The following CAND1 variants were observed in gnomAD, a reference collection of about 807,000 sequenced individuals.
CAND1 encodes the protein cullin-associated NEDD8-dissociated protein 1.
In CAND1, 7 loss-of-function variants were observed where a neutral mutation model predicts 108.5. The observed-to-expected ratio is 0.06, with a 90% confidence interval of 0.04 to 0.12. CAND1 has a LOEUF of 0.12. Ranked by LOEUF, CAND1 falls within the 10% of genes least tolerant of loss-of-function variation. CAND1 has a pLI of 1.00. For synonymous variants in CAND1, 534 were observed against 512.0 expected, an observed-to-expected ratio of 1.04 and a Z score of -0.58; for missense variants, 941 against 1,448.7, an observed-to-expected ratio of 0.65 and a Z score of 5.69.
chr12:67,288,046 T>G (rs1222509752), intron 2 of CAND1, among the ~76,000 whole-genome samples: 1 of 152,036 alleles, frequency 6.6e-6, no homozygotes, highest in African/African-American at 2.4e-5. Context: ...TTATATATAC[T>G]TGAAAGTATA....
chr12:67,319,102 AACC>A lies in CAND1; in HGVS notation c.*6278_*6280del, dbSNP rs1324021726. 6.6e-6 allele frequency: 1 copy of A among 152,184 alleles called. No homozygotes were observed. The highest frequency in any genetic ancestry group is 1.5e-5 in the Non-Finnish European group (1 of 68,046). The allele number at this position is 152,184 out of a possible 1,614,324, so 9.4% of individuals were successfully genotyped here. On this transcript the variant is annotated 3_prime_UTR_variant, in exon 15 of 15. Transcript: ENST00000545606. ...CTGTTCCCCAAGGCCACACCTTGGA[AACC>A]ACCACATTAAAATACCCAGAAGGCA...
intron 2 of CAND1, among the ~76,000 whole-genome samples, chr12:67,291,485 GA>G (rs1215659186): frequency 6.6e-6 from 1 of 152,164 alleles, no homozygotes; most frequent in African/African-American, 2.4e-5. Context: ...AAATGCTTGT[GA>G]CCAGAGTGTT....
In CAND1 at chr12:67,305,181, C is replaced by T. The variant is rs950791779; in HGVS notation, c.1513C>T (p.Leu505Phe). ...TGCTTTGTCATGTCTATACGTAATCCTCTGTAACCATTCTCCTCAAGTCTT... is the reference window on the plus strand; with the variant it reads ...TGCTTTGTCATGTCTATACGTAATCTTCTGTAACCATTCTCCTCAAGTCTT... ...IDALSCLYVI[L>F]CNHSPQVFHP... Residue 505 changes from leucine (L) to phenylalanine (F), a missense_variant, in exon 10 of 15, where the codon CTC becomes TTC. Physicochemically the swap from Leu to Phe is conservative, Grantham distance 22. Coordinates refer to ENST00000545606, the MANE Select transcript of CAND1 (RefSeq NM_018448.5). The surrounding 1 kb of genome is among the most constrained non-coding windows in gnomAD (Gnocchi z 4.4). 3.1e-6 allele frequency: 5 copies of T among 1,613,920 alleles called. No individual in the cohort carries two copies. Among genetic ancestry groups the T allele is most frequent in the South Asian group, 1.1e-5 (1 of 91,078 alleles).
intron 6 of CAND1, among the ~76,000 whole-genome samples, chr12:67,298,128 T>G (rs556673572): frequency 5.3e-5 from 8 of 152,326 alleles, no homozygotes; most frequent in African/African-American, 9.6e-5. Context: ...GAAATGCCAG[T>G]GTAATAATGT....
At chr12:67,302,267 A>G (rs1334662796) in intron 7 of CAND1, 56 bp from the exon 8 acceptor site, 24 of 1,460,622 alleles carry the variant, frequency 1.6e-5, no homozygotes, top group Non-Finnish European at 2.2e-5. Flanking sequence ...TTTCTGTTTT[A>G]AATGATATAC....
chr12:67,303,966 A>G (rs1212821703), intron 8 of CAND1, among the ~76,000 whole-genome samples: 1 of 150,804 alleles, frequency 6.6e-6, no homozygotes. Context: ...TATTGAAAAT[A>G]TGATTTGATT....
At chr12:67,310,789 C>T (rs1290059071) in intron 13 of CAND1, 4 of 152,470 alleles carry the variant, frequency 2.6e-5, no homozygotes, top group Non-Finnish European at 1.5e-5. Context: ...TTTTGTTTTT[C>T]AATATAATAT....
rs751760787 is a variant in CAND1 at position 67,298,978 on chromosome 12, T to C, written c.883T>C (p.Ser295Pro). 2.9e-5 allele frequency: 44 copies of C among 1,537,394 alleles called. No individual in the cohort carries two copies. The highest frequency in any genetic ancestry group is 3.9e-5 in the Non-Finnish European group (43 of 1,112,498). The change falls in exon 7 of 15, where the codon TCT (serine) becomes CCT (proline). Residue 295 changes from serine (S) to proline (P), a missense_variant. Coordinates refer to ENST00000545606, the MANE Select transcript of CAND1 (RefSeq NM_018448.5). Reference protein sequence around the residue: ...RCPKEVYPHVSTIINICLKYL... With the variant: ...RCPKEVYPHVPTIINICLKYL... Reference sequence around the variant, plus strand: ...TCCTAAGGAAGTATATCCTCATGTTTCTACCATTATAAATATTTGTCTTAA... The same window carrying C: ...TCCTAAGGAAGTATATCCTCATGTTCCTACCATTATAAATATTTGTCTTAA...
chr12:67,316,525 C>A lies in CAND1; in HGVS notation c.*3695C>A, dbSNP rs1704789096. 1 of 152,108 alleles carries A rather than the reference C, an allele frequency of 6.6e-6. No homozygotes were observed. Among genetic ancestry groups the A allele is most frequent in the African/African-American group, 2.4e-5 (1 of 41,418 alleles). 9.4% of individuals were successfully genotyped at this position (152,108 alleles called of 1,614,324 possible). ...TAACTTAGAAAGTTAGCTCTGAATC[C>A]AAAAACTACTGAAGTGAGTAATGCA... On this transcript the variant is annotated 3_prime_UTR_variant, in exon 15 of 15. Transcript: ENST00000545606.
At chr12:67,282,083 C>T in intron 2 of CAND1, 30 bp downstream of exon 2, 1 of 1,608,726 alleles carries the variant, frequency 6.2e-7, no homozygotes, top group Non-Finnish European at 8.5e-7. Flanking sequence ...TTGAGTCTTT[C>T]TTCCTGCTCC....
At chr12:67,283,401 T>C (rs2044638166) in intron 2 of CAND1, among the ~76,000 whole-genome samples, 2 of 152,064 alleles carry the variant, frequency 1.3e-5, no homozygotes, top group African/African-American at 2.4e-5. Context: ...ATGGGCAACA[T>C]GTAGAAACCC....
intron 4 of CAND1, 87 bp downstream of exon 4, chr12:67,295,243 C>T: frequency 8.0e-7 from 1 of 1,257,196 alleles, no homozygotes; most frequent in Non-Finnish European, 1.1e-6. Flanking sequence ...TATAATAAAA[C>T]TTGGTCAGAA....
Position 67,310,261 on chromosome 12 carries a change from T to A in CAND1, c.3305T>A (p.Ile1102Asn), listed in dbSNP as rs745415208. The change falls in exon 13 of 15, where the codon ATC becomes AAC. Residue 1102 changes from isoleucine (I) to asparagine (N), a missense_variant. Ile to Asn is a moderately radical substitution (Grantham distance 149). This residue lies in a region of CAND1 where 14 missense variants were observed against 16.2 expected (regional missense o/e 0.87). Coordinates refer to ENST00000545606, the MANE Select transcript of CAND1 (RefSeq NM_018448.5). ...LLDSCLDRLD[I>N]FEFLNHVEDG... ...GACAGTTGTCTTGATAGACTTGATATCTTTGAATTTCTAAATCATGTTGAA... is the reference window on the plus strand; with the variant it reads ...GACAGTTGTCTTGATAGACTTGATAACTTTGAATTTCTAAATCATGTTGAA... The A allele has an allele frequency of 1.2e-6, 2 of 1,611,220 alleles. No homozygotes were observed. Among genetic ancestry groups the A allele is most frequent in the Non-Finnish European group, 1.7e-6 (2 of 1,177,758 alleles).
chr12:67,292,553 C>T (rs1294154611), intron 2 of CAND1, 69 bp from the exon 3 acceptor site: 4 of 1,115,676 alleles, frequency 3.6e-6, no homozygotes, highest in African/African-American at 3.2e-5. Context: ...GTTAACATTT[C>T]TACTTATGTA....
chr12:67,274,114 T>C (rs945384399), intron 1 of CAND1, among the ~76,000 whole-genome samples: 4 of 152,154 alleles, frequency 2.6e-5, no homozygotes, highest in African/African-American at 9.7e-5. Context: ...GATGTTAAGA[T>C]TCAGGCCTTA....
chr12:67,281,589 T>C (rs1379339752), intron 1 of CAND1, among the ~76,000 whole-genome samples: 1 of 152,222 alleles, frequency 6.6e-6, no homozygotes, highest in East Asian at 1.9e-4. Context: ...GAGTACTCAC[T>C]GTAGGTCCTG....
chr12:67,318,484 A>G lies in CAND1; in HGVS notation c.*5654A>G, dbSNP rs2045030166. The G allele has an allele frequency of 6.6e-6, 1 of 152,360 alleles. No homozygotes were observed. Among genetic ancestry groups the G allele is most frequent in the Middle Eastern group, 3.4e-3 (1 of 294 alleles). 9.4% of individuals were successfully genotyped at this position (152,360 alleles called of 1,614,324 possible). ...TAAAGCACTTAAAACAGTACCTGGG[A>G]CATACTAAGTAATATAATTGTTAAC... On this transcript the variant is annotated 3_prime_UTR_variant, in exon 15 of 15. Coordinates refer to ENST00000545606, the MANE Select transcript of CAND1 (RefSeq NM_018448.5).
intron 11 of CAND1, among the ~76,000 whole-genome samples, chr12:67,307,817 G>T (rs945160424): frequency 2.0e-5 from 3 of 151,984 alleles, no homozygotes; most frequent in African/African-American, 7.2e-5. Flanking sequence ...TATATGGCCA[G>T]TCTGAAGTTT....
rs552735620 is a variant in CAND1, at chr12:67,313,600, G to C, written c.*770G>C. 6.5e-6 allele frequency: 1 copy of C among 152,674 alleles called. No homozygotes were observed. The highest frequency in any genetic ancestry group is 2.4e-5 in the African/African-American group (1 of 41,568). The allele number at this position is 152,674 out of a possible 1,614,324, so 9.5% of individuals were successfully genotyped here. A position where few individuals can be genotyped will look rare whatever the true frequency, so the allele number is the denominator to read the frequency against. On this transcript the variant is annotated 3_prime_UTR_variant, in exon 15 of 15. Coordinates refer to ENST00000545606, the MANE Select transcript of CAND1 (RefSeq NM_018448.5). ...TGAGACTTGGGTTTTCTTAATGCCA[G>C]TGTGAATTTGCAGATGTTTTCAGAA...
Sources: gnomAD v4.1 joint callset for allele counts (sites outside exome capture counted in the v4.1 genomes callset) on GRCh38, gnomAD v4.1.1 for gene constraint, gnomAD v4.1.1 regional missense constraint, Gnocchi (gnomAD v3.1) non-coding constraint, MANE v1.5 for transcripts, NCBI Gene and HGNC (gene_info 2026-07-23, HGNC 2026-07-21) for gene names.